Variants in PCBP3 observed in about 807,000 individuals in gnomAD.
PCBP3 encodes the protein poly(rC) binding protein 3.
A neutral mutation model predicts 52.7 loss-of-function variants in PCBP3; 25 were observed. The observed-to-expected ratio is 0.47, with a 90% CI of 0.35 to 0.66. The LOEUF (loss-of-function observed/expected upper bound fraction) is 0.66, where lower values mean the gene tolerates loss of function less well. Ranked by LOEUF, PCBP3 falls within the 30% of genes least tolerant of loss-of-function variation. The pLI is 0.01. For synonymous variants in PCBP3, 162 were observed against 183.0 expected (o/e 0.89, Z 0.93); for missense variants, 391 against 490.3 (o/e 0.80, Z 1.91).
chr21:45,721,305 C>T (rs1231401823), intron 2 of PCBP3, among the ~76,000 whole-genome samples: 10 of 149,794 alleles, frequency 6.7e-5, no homozygotes, highest in Non-Finnish European at 1.2e-4. Flanking sequence ...CCCAGCTACT[C>T]GGGAGGCTGA....
chr21:45,882,305 G>A (rs1393085246), intron 5 of PCBP3, among the ~76,000 whole-genome samples: 1 of 152,114 alleles, frequency 6.6e-6, no homozygotes, highest in Non-Finnish European at 1.5e-5. Flanking sequence ...TCATATACCT[G>A]TTAGCCATTT....
chr21:45,660,131 A>T lies in PCBP3; in HGVS notation c.-278-8743A>T, dbSNP rs773125627. ...TTCATGCATTCTGGGGCTTTATTTT[A>T]TATGTATACACACACACATATATAT... is the stretch of plus-strand genomic sequence containing the variant. On this transcript the variant is annotated intron_variant, in intron 1 of 17. Transcript: ENST00000681687. Among the ~76,000 whole-genome samples the T allele has an allele frequency of 3.8e-4, 58 of 151,778 alleles. 1 individual carries two copies. The highest frequency in any genetic ancestry group is 2.2e-3 in the Admixed American group (34 of 15,250).
rs557285213 is a variant in PCBP3 at position 45,720,721 on chromosome 21, A to G, written c.-199-14671A>G. On this transcript the variant is annotated intron_variant, in intron 2 of 17. Coordinates refer to ENST00000681687, the MANE Select transcript of PCBP3 (RefSeq NM_001384156.1). ...CTCTTGTAGGGTTGCAATGGTTTTG[A>G]CAGATGCTTCTCTTACCTCTCTGGT... Among the ~76,000 whole-genome samples, 14 of 152,294 alleles carry G rather than the reference A, an allele frequency of 9.2e-5. No homozygotes were observed. The South Asian group carries it at 2.9e-3, about 32-fold the overall frequency.
At chr21:45,862,684 C>T (rs1603455327) in intron 5 of PCBP3, among the ~76,000 whole-genome samples, 1 of 152,252 alleles carries the variant, frequency 6.6e-6, no homozygotes, top group African/African-American at 2.4e-5. Flanking sequence ...GTCTCTGTGC[C>T]TTGTCTGGCA....
chr21:45,763,192 C>T (rs2145555255), intron 4 of PCBP3: 1 of 152,400 alleles, frequency 6.6e-6, no homozygotes, highest in Non-Finnish European at 1.5e-5. Context: ...TGGCGCTGCC[C>T]CTACATGGGG....
intron 2 of PCBP3, among the ~76,000 whole-genome samples, chr21:45,726,509 C>T (rs889508621): frequency 1.4e-4 from 22 of 152,114 alleles, no homozygotes; most frequent in African/African-American, 1.4e-4. Context: ...GCTCAAGGAG[C>T]GTTGGCAGCA....
intron 9 of PCBP3, 70 bp from the exon 10 acceptor site, chr21:45,909,285 A>G: frequency 1.3e-6 from 2 of 1,505,878 alleles, no homozygotes; most frequent in Non-Finnish European, 9.0e-7. Flanking sequence ...GTCAGGACAC[A>G]CCCCCTGCCC....
At chr21:45,915,054 C>A (rs936755521) in intron 12 of PCBP3, 1 of 152,244 alleles carries the variant, frequency 6.6e-6, no homozygotes, top group African/African-American at 2.4e-5. Flanking sequence ...CTCCCAGGGT[C>A]CCGTGTGCTC....
chr21:45,833,877 A>G lies in PCBP3; in HGVS notation c.-125-16084A>G, dbSNP rs181194434. ...CTCAGGGAACACCTGACTCCCTTTT[A>G]AAGTCATAAAATCATATTTGAATAT... On this transcript the variant is annotated intron_variant, in intron 4 of 17. Transcript: ENST00000681687. Among the ~76,000 whole-genome samples, 6 of 152,312 alleles carry G rather than the reference A, an allele frequency of 3.9e-5. No homozygotes were observed. The East Asian group carries it at 9.7e-4, about 25-fold the overall frequency.
At chr21:45,863,256 G>A (rs1276689369) in intron 5 of PCBP3, among the ~76,000 whole-genome samples, 2 of 152,236 alleles carry the variant, frequency 1.3e-5, no homozygotes, top group African/African-American at 4.8e-5. Flanking sequence ...CACCAGCCAA[G>A]CCCAGGTCAG....
intron 4 of PCBP3, among the ~76,000 whole-genome samples, chr21:45,789,266 T>A (rs193278291): frequency 3.7e-4 from 57 of 152,308 alleles, no homozygotes; most frequent in African/African-American, 1.2e-3. Context: ...TGTGATTGCA[T>A]GTATGTGTGT....
At chr21:45,772,508 A>T (rs2089951393) in intron 4 of PCBP3, among the ~76,000 whole-genome samples, 1 of 152,230 alleles carries the variant, frequency 6.6e-6, no homozygotes, top group Non-Finnish European at 1.5e-5. Flanking sequence ...TATTGTGAAT[A>T]GTACTGCAAT....
chr21:45,782,460 G>A (rs757360897), intron 4 of PCBP3, among the ~76,000 whole-genome samples: 3 of 152,178 alleles, frequency 2.0e-5, no homozygotes, highest in Non-Finnish European at 4.4e-5. Context: ...CAGGCACAGT[G>A]CATTGGGAGG....
At chr21:45,658,869 C>T (rs1236315323) in intron 1 of PCBP3, among the ~76,000 whole-genome samples, 1 of 151,444 alleles carries the variant, frequency 6.6e-6, no homozygotes, top group Non-Finnish European at 1.5e-5. Context: ...TTCAGATGTA[C>T]TGTTTTTTAA....
At chr21:45,747,419 C>G (rs1466006619) in intron 3 of PCBP3, among the ~76,000 whole-genome samples, 4 of 152,218 alleles carry the variant, frequency 2.6e-5, no homozygotes, top group Non-Finnish European at 2.9e-5. Context: ...AGCACCAGGC[C>G]GCGGGGTGAG....
intron 5 of PCBP3, among the ~76,000 whole-genome samples, chr21:45,856,291 C>A (rs1289308958): frequency 6.6e-6 from 1 of 152,204 alleles, no homozygotes; most frequent in Non-Finnish European, 1.5e-5. Context: ...GTCTCCACAG[C>A]CCCTTCTCTT....
chr21:45,769,046 T>C (rs992014532), intron 4 of PCBP3, among the ~76,000 whole-genome samples: 1 of 152,230 alleles, frequency 6.6e-6, no homozygotes, highest in African/African-American at 2.4e-5. Context: ...GAAGTAAGGT[T>C]CAGGCTTTGT....
At chr21:45,930,996 G>A (rs1301560703) in intron 15 of PCBP3, 151 bp downstream of exon 15, 24 of 1,139,826 alleles carry the variant, frequency 2.1e-5, no homozygotes, top group South Asian at 7.8e-5. Context: ...GGCGTGGGTG[G>A]TGCCATGCTG....
chr21:45,680,831 T>A (rs974039010), intron 2 of PCBP3, among the ~76,000 whole-genome samples: 29 of 152,252 alleles, frequency 1.9e-4, no homozygotes, highest in African/African-American at 6.3e-4. Flanking sequence ...GTAGATGATA[T>A]TTATCAAGTT....
Sources: gnomAD v4.1 joint callset for allele counts (sites outside exome capture counted in the v4.1 genomes callset) on GRCh38, gnomAD v4.1.1 for gene constraint, MANE v1.5 for transcripts, NCBI Gene and HGNC (gene_info 2026-07-23, HGNC 2026-07-21) for gene names.